The following EIF3C variants were observed in gnomAD, a reference collection of about 807,000 sequenced individuals.
EIF3C encodes the protein cell migration-inducing protein 17.
EIF3C carries 2 observed loss-of-function variants against 11.1 expected under a neutral mutation model. That is an observed-to-expected ratio of 0.18 (90% CI 0.07 to 0.57). The LOEUF (loss-of-function observed/expected upper bound fraction) is 0.57. Among genes scored for constraint, EIF3C ranks in the 20% least tolerant of loss-of-function variants. The pLI is 0.92. For synonymous variants in EIF3C, 2 were observed against 41.5 expected, an observed-to-expected ratio of 0.05 and a Z score of 3.66; for missense variants, 16 against 114.6, an observed-to-expected ratio of 0.14 and a Z score of 3.93.
At chr16:28,723,773 CT>C (rs1157386167) in intron 10 of EIF3C, among the ~76,000 whole-genome samples, 5 of 3,942 alleles carry the variant, frequency 1.3e-3, no homozygotes, top group Admixed American at 4.7e-3. Context: ...ATGTTCTCCT[CT>C]TTTTTTTTTT....
In EIF3C at chr16:28,696,108, G is replaced by A. The variant is rs1357141807; in HGVS notation, c.-31+7280G>A. Among the ~76,000 whole-genome samples, 3 of 52,100 alleles carry A rather than the reference G, an allele frequency of 5.8e-5. 1 individual carries two copies. Among genetic ancestry groups the A allele is most frequent in the Non-Finnish European group, 1.0e-4 (3 of 28,904 alleles). The allele number at this position is 52,100 out of a possible 152,430, so 34.2% of individuals were successfully genotyped here. Reference sequence around the variant, plus strand: ...GGGCCAGGTGGGGTGGCTCAGGCCTGTAATCCTAGCATTTTGGGAGGCCGA... The same window carrying A: ...GGGCCAGGTGGGGTGGCTCAGGCCTATAATCCTAGCATTTTGGGAGGCCGA... On this transcript the variant is annotated intron_variant, in intron 1 of 20. Coordinates refer to the EIF3C transcript ENST00000566501.
chr16:28,692,640 T>TCCCACTACTG (rs2048224496), intron 1 of EIF3C, among the ~76,000 whole-genome samples: 1 of 138,248 alleles, frequency 7.2e-6, no homozygotes, highest in Non-Finnish European at 1.6e-5. Context: ...GCACCTGTAG[T>TCCCACTACTG]CCCAGCTACT....
At chr16:28,723,392 A>G (rs2048360918) in intron 9 of EIF3C, 56 bp from the exon 10 acceptor site, 1 of 1,613,138 alleles carries the variant, frequency 6.2e-7, no homozygotes, top group Non-Finnish European at 8.5e-7. Context: ...CTTGTGGGGA[A>G]AAGGCAAGGA....
chr16:28,697,840 CCCGGACGGGGCGGCTGG>C, intron 1 of EIF3C, among the ~76,000 whole-genome samples: 1 of 95,224 alleles, frequency 1.1e-5, no homozygotes, highest in Non-Finnish European at 2.0e-5. Flanking sequence ...CCACCTCCCT[CCCGGACGGGGCGGCTGG>C]CCGGGCGGGG....
chr16:28,731,294 C>T (rs2048448107), intron 15 of EIF3C, among the ~76,000 whole-genome samples: 1 of 2,152 alleles, frequency 4.6e-4, no homozygotes, highest in Non-Finnish European at 8.1e-4. Flanking sequence ...TTTATTTTTC[C>T]TTTTTATAGG....
At chr16:28,696,364 TAAA>T (rs536758803) in intron 1 of EIF3C, among the ~76,000 whole-genome samples, 2 of 20,668 alleles carry the variant, frequency 9.7e-5, no homozygotes. Flanking sequence ...AAACTGTGTC[TAAA>T]AAAAAAAAAA....
chr16:28,697,666 G>T (rs1449267760), intron 1 of EIF3C, among the ~76,000 whole-genome samples: 1 of 79,614 alleles, frequency 1.3e-5, no homozygotes, highest in African/African-American at 1.0e-4. Context: ...CCACAAAGCC[G>T]CCATTGTCAT....
intron 2 of EIF3C, chr16:28,712,185 G>C (rs1297310011): frequency 1.4e-5 from 1 of 73,868 alleles, no homozygotes; most frequent in Non-Finnish European, 2.9e-5. Flanking sequence ...CTGAAGTCTG[G>C]TCACCTGCTG....
At chr16:28,696,288 C>A (rs1332175077) in intron 1 of EIF3C, among the ~76,000 whole-genome samples, 1 of 56,404 alleles carries the variant, frequency 1.8e-5, no homozygotes, top group African/African-American at 1.2e-4. Context: ...ATCCCTTGAA[C>A]CTGGGAGGCA....
At chr16:28,700,575 G>C (rs2151789592) in intron 1 of EIF3C, 1 of 280,792 alleles carries the variant, frequency 3.6e-6, no homozygotes, top group East Asian at 1.2e-4. Flanking sequence ...CCTCCTCCTA[G>C]TACTCCTGCT....
At chr16:28,732,406 TCCCAGTGGAG>T (rs2048452060) in intron 16 of EIF3C, among the ~76,000 whole-genome samples, 1 of 25,666 alleles carries the variant, frequency 3.9e-5, no homozygotes, top group Non-Finnish European at 8.8e-5. Context: ...ATACCCTTTT[TCCCAGTGGAG>T]AAACTGAGGC....
intron 13 of EIF3C, among the ~76,000 whole-genome samples, chr16:28,726,091 AAAT>A (rs1233746922): frequency 9.7e-5 from 8 of 82,332 alleles, no homozygotes; most frequent in South Asian, 6.9e-4. Flanking sequence ...CCATCTCAAA[AAAT>A]AATAATAATA....
chr16:28,691,162 A>G (rs1342627485), intron 1 of EIF3C, among the ~76,000 whole-genome samples: 1 of 33,582 alleles, frequency 3.0e-5, no homozygotes, highest in Admixed American at 4.3e-4. Flanking sequence ...GCAACAGAGC[A>G]AGACTCCGTC....
At chr16:28,718,578 G>A (rs2048327077) in intron 8 of EIF3C, among the ~76,000 whole-genome samples, 1 of 60,182 alleles carries the variant, frequency 1.7e-5, no homozygotes, top group African/African-American at 1.2e-4. Flanking sequence ...GCTTTATTGA[G>A]GTGTACATGA....
chr16:28,728,448 A>T lies in EIF3C; in HGVS notation c.1818+1203A>T, dbSNP rs1352053437. ...TTAGGGGTGTGTGTGTGTCTCTTTT[A>T]GGGGGTGTGTGTGTATCTTTTAGGG... On this transcript the variant is annotated intron_variant, in intron 15 of 20. Coordinates refer to ENST00000331666, the MANE Select transcript of EIF3C (RefSeq NM_003752.5). Among the ~76,000 whole-genome samples the T allele has an allele frequency of 1.0e-4, 4 of 39,308 alleles. No homozygotes were observed. In the South Asian group the frequency reaches 2.2e-3, roughly 22 times the overall value. The allele number at this position is 39,308 out of a possible 152,430, so 25.8% of individuals were successfully genotyped here.
chr16:28,697,748 A>C (rs1361782013), intron 1 of EIF3C, among the ~76,000 whole-genome samples: 1 of 91,784 alleles, frequency 1.1e-5, no homozygotes, highest in Non-Finnish European at 1.9e-5. Flanking sequence ...GGGGCTCCTC[A>C]CTTCCCAGTA....
At chr16:28,728,596 G>A (rs1417232585) in intron 15 of EIF3C, among the ~76,000 whole-genome samples, 2 of 99,920 alleles carry the variant, frequency 2.0e-5, no homozygotes, top group African/African-American at 3.7e-5. Context: ...GTGCAGTGGT[G>A]CAATCTTGGC....
rs1296003575 is a variant in EIF3C, at chr16:28,725,768, A to AGG, written c.1402+756_1402+757insGG. Among the ~76,000 whole-genome samples, 112 of 35,804 alleles carry AGG rather than the reference A, an allele frequency of 3.1e-3. No individual in the cohort carries two copies. In the East Asian group the frequency reaches 0.055, roughly 18 times the overall value. 23.5% of individuals were successfully genotyped at this position (35,804 alleles called of 152,430 possible). ...GCGACAGAGCAAGACTCCATCTCAAAAAAAAAAAAAAATAGTATGATGTTA... is the reference window on the plus strand; with the variant it reads ...GCGACAGAGCAAGACTCCATCTCAAAGGAAAAAAAAAAAATAGTATGATGTTA... On this transcript the variant is annotated intron_variant, in intron 13 of 20. Transcript: ENST00000331666.
At chr16:28,728,498 T>G (rs928809400) in intron 15 of EIF3C, among the ~76,000 whole-genome samples, 1 of 78,828 alleles carries the variant, frequency 1.3e-5, no homozygotes, top group Non-Finnish European at 3.0e-5. Context: ...TTTTAGGGGG[T>G]GTGTGTGTGT....
Sources: allele counts gnomAD v4.1 joint callset (sites outside exome capture counted in the v4.1 genomes callset), GRCh38; gene constraint gnomAD v4.1.1; transcripts MANE v1.5; gene names NCBI Gene and HGNC (gene_info 2026-07-23, HGNC 2026-07-21).